STXBP6: variants seen among roughly 807,000 people sequenced by gnomAD.
STXBP6 encodes the protein syntaxin binding protein 6.
STXBP6 carries 21 observed loss-of-function variants against 26.9 expected under a neutral mutation model. The ratio of observed to expected loss-of-function variants is 0.78; its 90% CI spans 0.55 to 1.12. The LOEUF (loss-of-function observed/expected upper bound fraction) is 1.12, where lower values mean the gene tolerates loss of function less well. Among genes scored for constraint, STXBP6 ranks in the 50% most tolerant of loss-of-function variants. The probability of loss-of-function intolerance (pLI) is 0.00; values close to 1 mark genes in which losing one functional copy is unlikely to be tolerated. For synonymous variants in STXBP6, 97 were observed against 92.6 expected, an observed-to-expected ratio of 1.05 and a Z score of -0.27; for missense variants, 232 against 257.9, an observed-to-expected ratio of 0.90 and a Z score of 0.69.
At chr14:24,864,611 G>T (rs966916041) in intron 2 of STXBP6, among the ~76,000 whole-genome samples, 10 of 151,976 alleles carry the variant, frequency 6.6e-5, no homozygotes, top group African/African-American at 2.4e-4. Flanking sequence ...ATGTGAGAAG[G>T]CCATTCCAAA....
intron 2 of STXBP6, among the ~76,000 whole-genome samples, chr14:24,965,833 C>T (rs757461805): frequency 4.6e-5 from 7 of 152,154 alleles, no homozygotes; most frequent in Non-Finnish European, 1.0e-4. Context: ...CTCACTACCA[C>T]AGAAAGGTGC....
chr14:25,032,159 G>A lies in STXBP6; in HGVS notation c.-33+17719C>T, dbSNP rs546555647. Among the ~76,000 whole-genome samples, 11 of 152,236 alleles carry A rather than the reference G, an allele frequency of 7.2e-5. No homozygotes were observed. In the South Asian group the frequency reaches 1.9e-3, roughly 26 times the overall value. On this transcript the variant is annotated intron_variant, in intron 1 of 5. Transcript: ENST00000323944. ...AAAACAGACTGACCAGCCACTTTGC[G>A]CATGGTCTCCAACACCGCGAAGGCA...
intron 1 of STXBP6, 114 bp from the exon 2 acceptor site, chr14:24,974,964 T>C: frequency 1.6e-6 from 1 of 611,776 alleles, no homozygotes; most frequent in Middle Eastern, 4.3e-4. Flanking sequence ...TACAGTTTAA[T>C]CTCATAATTG....
intron 1 of STXBP6, among the ~76,000 whole-genome samples, chr14:24,996,720 T>C (rs968208535): frequency 2.0e-5 from 3 of 151,044 alleles, no homozygotes; most frequent in Non-Finnish European, 4.4e-5. Flanking sequence ...CCAGGCATGG[T>C]GGCACGTGCC....
chr14:24,938,591 C>T (rs1260304641), intron 2 of STXBP6, among the ~76,000 whole-genome samples: 4 of 147,216 alleles, frequency 2.7e-5, no homozygotes, highest in African/African-American at 7.6e-5. Context: ...AAAAGAAAAA[C>T]CAGGAAAAAA....
At chr14:24,903,675 T>C (rs2071290858) in intron 2 of STXBP6, among the ~76,000 whole-genome samples, 1 of 152,162 alleles carries the variant, frequency 6.6e-6, no homozygotes, top group Non-Finnish European at 1.5e-5. Flanking sequence ...TAATGCTATA[T>C]TTTGTTATTT....
In STXBP6 at chr14:25,049,474, C is replaced by T; in HGVS notation, c.-33+404G>A. 1 of 985,322 alleles carries T rather than the reference C, an allele frequency of 1.0e-6. No individual in the cohort carries two copies. Among genetic ancestry groups the T allele is most frequent in the Non-Finnish European group, 1.2e-6 (1 of 829,900 alleles). 61.0% of individuals were successfully genotyped at this position (985,322 alleles called of 1,614,324 possible). A position where few individuals can be genotyped will look rare whatever the true frequency, so the allele number is the denominator to read the frequency against. The stretch of plus-strand genomic sequence containing the variant: ...CGCTCAAGCTAGAGGCGCAGCGACC[C>T]CGAGCTCCCCCACACTGGGAGCCTC... On this transcript the variant is annotated intron_variant, in intron 1 of 5. Coordinates refer to ENST00000323944, the MANE Select transcript of STXBP6 (RefSeq NM_001394410.1). This position sits in a 1 kb window ranked among gnomAD's most constrained non-coding sequence, Gnocchi z 5.6.
chr14:24,906,042 T>C (rs2071376193), intron 2 of STXBP6, among the ~76,000 whole-genome samples: 1 of 152,246 alleles, frequency 6.6e-6, no homozygotes, highest in African/African-American at 2.4e-5. Context: ...TCTCTAATTG[T>C]TATCATTTGT....
At chr14:24,952,861 A>AT (rs1256147194) in intron 2 of STXBP6, among the ~76,000 whole-genome samples, 3 of 152,218 alleles carry the variant, frequency 2.0e-5, no homozygotes, top group Non-Finnish European at 2.9e-5. Flanking sequence ...GGAGGAAACC[A>AT]TACCAGGAAG....
intron 4 of STXBP6, among the ~76,000 whole-genome samples, chr14:24,846,427 A>C (rs954013293): frequency 2.6e-5 from 4 of 152,174 alleles, no homozygotes; most frequent in Admixed American, 6.5e-5. Flanking sequence ...TCTCCATCTC[A>C]AATTCTCCCA....
At chr14:25,025,241 CAAA>C (rs1196665680) in intron 1 of STXBP6, among the ~76,000 whole-genome samples, 1 of 151,678 alleles carries the variant, frequency 6.6e-6, no homozygotes, top group Non-Finnish European at 1.5e-5. Flanking sequence ...GAGTTTTAAA[CAAA>C]GAAGCTGGAT....
chr14:24,973,849 G>C (rs899784675), intron 2 of STXBP6, among the ~76,000 whole-genome samples: 1 of 151,742 alleles, frequency 6.6e-6, no homozygotes, highest in Non-Finnish European at 1.5e-5. Context: ...GCTAGAAATG[G>C]GTCCAAAAAC....
chr14:25,026,084 C>T (rs2075344545), intron 1 of STXBP6, among the ~76,000 whole-genome samples: 1 of 152,116 alleles, frequency 6.6e-6, no homozygotes, highest in South Asian at 2.1e-4. Context: ...CTTAGGACTC[C>T]ACCAACTGCT....
At chr14:24,851,387 C>G (rs1226977818) in intron 4 of STXBP6, among the ~76,000 whole-genome samples, 3 of 149,006 alleles carry the variant, frequency 2.0e-5, no homozygotes, top group Admixed American at 6.7e-5. Flanking sequence ...TCCCTCCCCC[C>G]TCCCCCAACC....
chr14:24,852,777 A>G (rs1235821269), intron 4 of STXBP6, among the ~76,000 whole-genome samples: 3 of 152,152 alleles, frequency 2.0e-5, no homozygotes, highest in African/African-American at 7.2e-5. Context: ...AGTGGCTAAA[A>G]TATTCCCAGC....
intron 4 of STXBP6, among the ~76,000 whole-genome samples, chr14:24,833,922 A>G (rs2068534664): frequency 6.6e-6 from 1 of 152,248 alleles, no homozygotes; most frequent in African/African-American, 2.4e-5. Flanking sequence ...TATTCCATTT[A>G]GAATATAGAG....
chr14:24,819,287 A>G (rs1048494620), intron 4 of STXBP6, 93 bp from the exon 5 acceptor site: 1 of 1,460,008 alleles, frequency 6.8e-7, no homozygotes, highest in Admixed American at 1.7e-5. Flanking sequence ...AGAGGAAGGC[A>G]GGTCACACTG....
chr14:24,951,843 C>T (rs1471388341), intron 2 of STXBP6, among the ~76,000 whole-genome samples: 1 of 151,898 alleles, frequency 6.6e-6, no homozygotes. Context: ...TGTGTTTCAT[C>T]CTTTTAAATA....
intron 1 of STXBP6, among the ~76,000 whole-genome samples, chr14:25,037,122 C>G (rs1226748149): frequency 6.6e-6 from 1 of 152,122 alleles, no homozygotes; most frequent in Non-Finnish European, 1.5e-5. Flanking sequence ...CCCTGAAGAG[C>G]TCCAAAGATC....
Sources: gnomAD v4.1 joint callset for allele counts (sites outside exome capture counted in the v4.1 genomes callset) on GRCh38, gnomAD v4.1.1 for gene constraint, Gnocchi (gnomAD v3.1) non-coding constraint, MANE v1.5 for transcripts, NCBI Gene and HGNC (gene_info 2026-07-23, HGNC 2026-07-21) for gene names.